ZZEF1: variants seen among roughly 807,000 people sequenced by gnomAD.
ZZEF1 encodes the protein zinc finger ZZ-type and EF-hand domain-containing protein 1.
ZZEF1 carries 157 observed loss-of-function variants against 342.8 expected under a neutral mutation model. The ratio of observed to expected loss-of-function variants is 0.46; its 90% CI spans 0.40 to 0.52. ZZEF1 has a LOEUF of 0.52. ZZEF1 is among the 20% of genes least tolerant of loss of function. The pLI is 0.00. For missense variants in ZZEF1, 3,480 were observed against 3,725.6 expected (o/e 0.93, Z 1.72); for synonymous variants, 1,505 against 1,429.1 (o/e 1.05, Z -1.20).
intron 32 of ZZEF1, 81 bp downstream of exon 32, chr17:4,057,913 T>C (rs2057200027): frequency 6.3e-6 from 9 of 1,430,984 alleles, no homozygotes; most frequent in Non-Finnish European, 8.7e-6. Context: ...CTCCGGAGTC[T>C]GTGCTCTTAA....
intron 42 of ZZEF1, among the ~76,000 whole-genome samples, chr17:4,028,044 G>A (rs2056456409): frequency 6.6e-6 from 1 of 152,030 alleles, no homozygotes; most frequent in East Asian, 1.9e-4. Flanking sequence ...AGGATTTACA[G>A]TAGTGTACCT....
In ZZEF1 at chr17:4,133,217, G is replaced by A. The variant is rs957509755; in HGVS notation, c.355-9166C>T. On this transcript the variant is annotated intron_variant, in intron 1 of 54. Coordinates refer to ENST00000381638, the MANE Select transcript of ZZEF1 (RefSeq NM_015113.4). ...ACTATGAATCAATATTTGGGCACTC[G>A]TTAAATGCCAGGCACCGAGCAGAGC... Among the ~76,000 whole-genome samples the A allele has an allele frequency of 1.2e-4, 19 of 152,250 alleles. 2 individuals are homozygous for A. The highest frequency in any genetic ancestry group is 7.2e-4 in the Admixed American group (11 of 15,294).
At chr17:4,062,168 A>G (rs1188959829) in intron 30 of ZZEF1, among the ~76,000 whole-genome samples, 2 of 151,998 alleles carry the variant, frequency 1.3e-5, no homozygotes, top group Non-Finnish European at 2.9e-5. Context: ...CTCTGATCTT[A>G]GCTGGTCATT....
chr17:4,136,355 AAC>A (rs199991812), intron 1 of ZZEF1, among the ~76,000 whole-genome samples: 21,238 of 148,970 alleles, frequency 0.14, 1,582 homozygotes, highest in African/African-American at 0.2. Context: ...AAAAAAAAAA[AAC>A]AAAGACATTA....
At chr17:4,111,483 C>A (rs1167850824) in intron 5 of ZZEF1, among the ~76,000 whole-genome samples, 1 of 151,770 alleles carries the variant, frequency 6.6e-6, no homozygotes, top group Non-Finnish European at 1.5e-5. Flanking sequence ...CATAGTGAAA[C>A]CCCGTCTCTA....
At chr17:4,029,446 T>C (rs1567774944) in intron 42 of ZZEF1, among the ~76,000 whole-genome samples, 1 of 145,970 alleles carries the variant, frequency 6.9e-6, no homozygotes, top group African/African-American at 2.5e-5. Context: ...CAATATATCA[T>C]AAAAAAAAAT....
At chr17:4,033,827 G>T in intron 40 of ZZEF1, 188 bp downstream of exon 40, 1 of 694,624 alleles carries the variant, frequency 1.4e-6, no homozygotes, top group Non-Finnish European at 2.4e-6. Flanking sequence ...TTTTAACGTT[G>T]GTGTTAAGCA....
At chr17:4,111,518 G>C (rs1381692856) in intron 5 of ZZEF1, among the ~76,000 whole-genome samples, 2 of 151,694 alleles carry the variant, frequency 1.3e-5, no homozygotes, top group Non-Finnish European at 2.9e-5. Context: ...AATTAGGTGG[G>C]TATGGTGGTG....
chr17:4,029,547 A>G (rs1405367810), intron 42 of ZZEF1, among the ~76,000 whole-genome samples: 1 of 152,168 alleles, frequency 6.6e-6, no homozygotes, highest in Non-Finnish European at 1.5e-5. Context: ...GGAAATGCAC[A>G]ACATTAAAAT....
intron 1 of ZZEF1, among the ~76,000 whole-genome samples, chr17:4,134,518 C>T (rs1030819632): frequency 4.6e-5 from 7 of 151,882 alleles, no homozygotes; most frequent in Non-Finnish European, 2.9e-5. Context: ...ATAGGTGTGA[C>T]AATTACGATA....
intron 1 of ZZEF1, among the ~76,000 whole-genome samples, chr17:4,136,691 G>A (rs1465343228): frequency 1.3e-5 from 2 of 152,076 alleles, no homozygotes; most frequent in Non-Finnish European, 1.5e-5. Context: ...GTCCCTTTTC[G>A]GGGGCAGAGA....
intron 9 of ZZEF1, among the ~76,000 whole-genome samples, chr17:4,098,927 A>G (rs765900231): frequency 2.0e-5 from 3 of 152,150 alleles, no homozygotes; most frequent in Non-Finnish European, 2.9e-5. Context: ...CAATTATTGA[A>G]CTCTTACCTT....
chr17:4,135,480 A>T (rs76507168), intron 1 of ZZEF1, among the ~76,000 whole-genome samples: 77,386 of 151,718 alleles, frequency 0.51, 22,124 homozygotes, highest in East Asian at 0.74. Context: ...TCTTAAAAAA[A>T]AAAAGGTGCC....
chr17:4,081,301 G>A lies in ZZEF1; in HGVS notation c.2829+75C>T, dbSNP rs987610921. 5.9e-6 allele frequency: 7 copies of A among 1,194,106 alleles called. No homozygotes were observed. The East Asian group carries it at 9.4e-5, about 16-fold the overall frequency. The allele number at this position is 1,194,106 out of a possible 1,614,324, so 74.0% of individuals were successfully genotyped here. A position where few individuals can be genotyped will look rare whatever the true frequency, so the allele number is the denominator to read the frequency against. On this transcript the variant is annotated intron_variant, in intron 18 of 54. Coordinates refer to ENST00000381638, the MANE Select transcript of ZZEF1 (RefSeq NM_015113.4). ...ATTCATACTGCAAAGAGGCAAAGGG[G>A]GGCACAAGAGACTGCCACATCACGT...
At chr17:4,047,988 A>T in intron 37 of ZZEF1, among the ~76,000 whole-genome samples, 1 of 152,310 alleles carries the variant, frequency 6.6e-6, no homozygotes, top group East Asian at 1.9e-4. Flanking sequence ...AATTAAAAAA[A>T]ACCCATAAAA....
intron 37 of ZZEF1, among the ~76,000 whole-genome samples, chr17:4,046,704 A>G (rs1018364005): frequency 5.9e-5 from 9 of 152,190 alleles, no homozygotes; most frequent in African/African-American, 2.2e-4. Flanking sequence ...ACCCGACACC[A>G]TACTCCCTGT....
intron 54 of ZZEF1, among the ~76,000 whole-genome samples, chr17:4,007,548 G>A (rs550909454): frequency 6.6e-6 from 1 of 152,164 alleles, no homozygotes; most frequent in Non-Finnish European, 1.5e-5. Flanking sequence ...ATGGAGACTG[G>A]ACAGGGGCAG....
rs145801030 is a variant in ZZEF1 at position 4,133,721 on chromosome 17, C to CT, written c.354+8820dup. 6.3e-3 allele frequency among the ~76,000 whole-genome samples: 928 copies of CT among 147,998 alleles called. 8 individuals carry two copies. Among genetic ancestry groups the CT allele is most frequent in the East Asian group, 0.04 (202 of 5,070 alleles). On this transcript the variant is annotated intron_variant, in intron 1 of 54. Transcript: ENST00000381638. ...ATAAAAATACTGACATTTTTGCTAT[C>CT]TTTTTTTTTTTTCTTTTTGAGACAG...
intron 52 of ZZEF1, among the ~76,000 whole-genome samples, chr17:4,010,704 G>C (rs9891940): frequency 0.17 from 19,177 of 115,200 alleles, 1,665 homozygotes; most frequent in African/African-American, 0.29. Flanking sequence ...CAGCCCAAGT[G>C]ACAGTGTGAG....
Sources: allele counts gnomAD v4.1 joint callset (sites outside exome capture counted in the v4.1 genomes callset), GRCh38; gene constraint gnomAD v4.1.1; transcripts MANE v1.5; gene names NCBI Gene and HGNC (gene_info 2026-07-23, HGNC 2026-07-21).